The following ATG4C variants were observed in gnomAD, a reference collection of about 807,000 sequenced individuals.
ATG4C encodes autophagy related 4C cysteine peptidase.
ATG4C carries 56 observed loss-of-function variants against 57.6 expected under a neutral mutation model. The observed-to-expected ratio is 0.97, with a 90% CI of 0.78 to 1.21. ATG4C has a LOEUF of 1.21. Among genes scored for constraint, ATG4C ranks in the 50% most tolerant of loss-of-function variants. ATG4C has a pLI of 0.00. For missense variants in ATG4C, 595 were observed against 529.8 expected (o/e 1.12, Z -1.21); for synonymous variants, 157 against 174.1 (o/e 0.90, Z 0.78).
Position 62,834,843 on chromosome 1 carries a change from CCCTCTTGAGGTA to C in ATG4C, c.1082_1089+4del, listed in dbSNP as rs1665950252. ...TTGTAGATGTCAGCATAAAGGATTT[CCCTCTTGAGGTA>C]CTGTGGATAAAAAGCTGATACTGTT... On this transcript the variant is annotated splice_donor_variant and splice_donor_region_variant and coding_sequence_variant and intron_variant, in exon 9 of 11. Coordinates refer to ENST00000317868, the MANE Select transcript of ATG4C (RefSeq NM_032852.4). LOFTEE classifies it high-confidence loss of function. The C allele has an allele frequency of 6.2e-7, 1 of 1,611,284 alleles. No individual in the cohort carries two copies. Among genetic ancestry groups the C allele is most frequent in the African/African-American group, 1.3e-5 (1 of 74,774 alleles).
chr1:62,841,079 A>G (rs1364866623), intron 9 of ATG4C, among the ~76,000 whole-genome samples: 1 of 152,248 alleles, frequency 6.6e-6, no homozygotes, highest in Non-Finnish European at 1.5e-5. Context: ...CTGCATTTTA[A>G]TAGAAATGGC....
At chr1:62,861,340 G>A (rs1666846523) in intron 10 of ATG4C, among the ~76,000 whole-genome samples, 1 of 152,052 alleles carries the variant, frequency 6.6e-6, no homozygotes, top group African/African-American at 2.4e-5. Flanking sequence ...GAGTTCAGGA[G>A]TTTGAGACCA....
chr1:62,864,264 A>G lies in ATG4C; in HGVS notation c.*105A>G. The G allele has an allele frequency of 2.2e-6, 2 of 928,816 alleles. No individual in the cohort carries two copies. Among genetic ancestry groups the G allele is most frequent in the Non-Finnish European group, 3.1e-6 (2 of 636,352 alleles). The allele number at this position is 928,816 out of a possible 1,614,324, so 57.5% of individuals were successfully genotyped here. The stretch of plus-strand genomic sequence containing the variant: ...TTATTTTCACAAATATCTTAATTTT[A>G]TATGTTCTTTAAAAAAGAACATTTG... On this transcript the variant is annotated 3_prime_UTR_variant, in exon 11 of 11. Coordinates refer to ENST00000317868, the MANE Select transcript of ATG4C (RefSeq NM_032852.4).
chr1:62,823,349 A>G (rs952465080), intron 6 of ATG4C, among the ~76,000 whole-genome samples: 2 of 152,174 alleles, frequency 1.3e-5, no homozygotes, highest in Admixed American at 6.5e-5. Flanking sequence ...CCACATATGT[A>G]CTCAAGTAGT....
In ATG4C at chr1:62,819,193, G is replaced by T; in HGVS notation, c.583G>T (p.Val195Phe). 1.2e-6 allele frequency: 2 copies of T among 1,613,582 alleles called. No homozygotes were observed. The highest frequency in any genetic ancestry group is 1.7e-6 in the Non-Finnish European group (2 of 1,179,710). ...YSDDHEMRNE[V>F]YHRKIISWFG... is the part of the protein sequence containing the mutation. The stretch of plus-strand genomic sequence containing the variant: ...TGATGATCATGAAATGCGAAATGAA[G>T]TTTATCATAGGAAAATCATCTCTTG... Residue 195 changes from valine (V) to phenylalanine (F), a missense_variant, in exon 5 of 11, where the codon GTT becomes TTT. Coordinates refer to ENST00000317868, the MANE Select transcript of ATG4C (RefSeq NM_032852.4).
intron 1 of ATG4C, among the ~76,000 whole-genome samples, chr1:62,793,654 A>G (rs1664367730): frequency 6.6e-6 from 1 of 151,512 alleles, no homozygotes; most frequent in Non-Finnish European, 1.5e-5. Context: ...ACACACACAC[A>G]AAACACCAAA....
At chr1:62,859,347 C>T (rs758454824) in intron 10 of ATG4C, among the ~76,000 whole-genome samples, 1 of 152,148 alleles carries the variant, frequency 6.6e-6, no homozygotes. Flanking sequence ...TAGCCTGTTG[C>T]TCCTGGACTA....
Position 62,821,211 on chromosome 1 carries a change from T to C in ATG4C, c.796+2T>C. ...TTTATGTTGCACAAGATTGTACAGG[T>C]AAGGAATGTATATAATTCTAATCTT... On this transcript the variant is annotated splice_donor_variant, in intron 6 of 10. Coordinates refer to ENST00000317868, the MANE Select transcript of ATG4C (RefSeq NM_032852.4). LOFTEE classifies it high-confidence loss of function. 1 of 1,567,274 alleles carries C rather than the reference T, an allele frequency of 6.4e-7. No individual in the cohort carries two copies. Among genetic ancestry groups the C allele is most frequent in the Non-Finnish European group, 8.6e-7 (1 of 1,156,282 alleles).
intron 7 of ATG4C, among the ~76,000 whole-genome samples, chr1:62,832,310 T>G (rs1239195808): frequency 1.3e-5 from 2 of 152,154 alleles, no homozygotes; most frequent in African/African-American, 2.4e-5. Context: ...CGAGTCCATT[T>G]TTTGCTGCTG....
chr1:62,865,446 G>GA lies in ATG4C; in HGVS notation c.*1292dup, dbSNP rs1666973794. On this transcript the variant is annotated 3_prime_UTR_variant, in exon 11 of 11. Coordinates refer to ENST00000317868, the MANE Select transcript of ATG4C (RefSeq NM_032852.4). Reference sequence around the variant, plus strand: ...CGGATTGTTTTAGTATACCTGATGAGAAAAATCAGGTTTGACATTTCTCAG... The same window carrying GA: ...CGGATTGTTTTAGTATACCTGATGAGAAAAAATCAGGTTTGACATTTCTCAG... The GA allele has an allele frequency of 6.6e-6, 1 of 151,806 alleles. No homozygotes were observed. The highest frequency in any genetic ancestry group is 2.4e-5 in the African/African-American group (1 of 41,390). The allele number at this position is 151,806 out of a possible 1,614,324, so 9.4% of individuals were successfully genotyped here.
chr1:62,861,088 A>T (rs1308196605), intron 10 of ATG4C, among the ~76,000 whole-genome samples: 2 of 152,196 alleles, frequency 1.3e-5, no homozygotes, highest in Non-Finnish European at 2.9e-5. Context: ...TAGCTGTGTT[A>T]TTACAGTAGT....
At chr1:62,831,083 A>G (rs1665824322) in intron 7 of ATG4C, among the ~76,000 whole-genome samples, 3 of 152,058 alleles carry the variant, frequency 2.0e-5, no homozygotes, top group African/African-American at 7.2e-5. Flanking sequence ...GAAAGGTAAC[A>G]TTTTCTCGAG....
In ATG4C at chr1:62,834,024, A is replaced by AT. The variant is rs762589573; in HGVS notation, c.934-6dup. The AT allele has an allele frequency of 1.7e-4, 266 of 1,603,256 alleles. No individual in the cohort carries two copies. Among genetic ancestry groups the AT allele is most frequent in the Middle Eastern group, 1.3e-3 (8 of 5,998 alleles). ...TTGCCTCTTGACTAAATCTGTATTA[A>AT]TTTTTTTTGGCAGGGTATTTTAAGC... On this transcript the variant is annotated splice_polypyrimidine_tract_variant and intron_variant, in intron 7 of 10. Transcript: ENST00000317868.
chr1:62,835,433 TA>T, intron 9 of ATG4C: 1 of 333,468 alleles, frequency 3.0e-6, no homozygotes. Context: ...TGAGAATACA[TA>T]AATGAAACAT....
intron 10 of ATG4C, among the ~76,000 whole-genome samples, chr1:62,853,383 G>T (rs770847920): frequency 3.3e-5 from 5 of 152,194 alleles, no homozygotes; most frequent in Non-Finnish European, 7.3e-5. Context: ...TCATTATGAG[G>T]ATTAAAGATT....
At chr1:62,793,357 G>T (rs1664349586) in intron 1 of ATG4C, among the ~76,000 whole-genome samples, 1 of 150,976 alleles carries the variant, frequency 6.6e-6, no homozygotes, top group Non-Finnish European at 1.5e-5. Flanking sequence ...CATGCCTGTA[G>T]TCCTAGAACT....
intron 6 of ATG4C, among the ~76,000 whole-genome samples, chr1:62,825,141 C>G (rs1665606612): frequency 6.6e-6 from 1 of 151,260 alleles, no homozygotes; most frequent in South Asian, 2.1e-4. Flanking sequence ...GAGGCTGAGG[C>G]AGGAGAATCC....
intron 6 of ATG4C, among the ~76,000 whole-genome samples, chr1:62,826,851 T>C (rs1366359243): frequency 6.6e-6 from 1 of 151,954 alleles, no homozygotes; most frequent in African/African-American, 2.4e-5. Flanking sequence ...TATTTGGTTT[T>C]CTGTCCTTGC....
At chr1:62,802,910 G>A (rs555019601) in intron 1 of ATG4C, among the ~76,000 whole-genome samples, 2 of 152,292 alleles carry the variant, frequency 1.3e-5, no homozygotes, top group Admixed American at 1.3e-4. Flanking sequence ...TTAGAGAAAT[G>A]AATGTATCAA....
Sources: gnomAD v4.1 joint callset for allele counts (sites outside exome capture counted in the v4.1 genomes callset) on GRCh38, gnomAD v4.1.1 for gene constraint, MANE v1.5 for transcripts, NCBI Gene and HGNC (gene_info 2026-07-23, HGNC 2026-07-21) for gene names.